DNAH9: variants seen among roughly 807,000 people sequenced by gnomAD.
DNAH9 encodes DNAH9 variant protein.
DNAH9 carries 345 observed loss-of-function variants against 471.6 expected under a neutral mutation model. That is an observed-to-expected ratio of 0.73 (90% CI 0.67 to 0.80). DNAH9 has a LOEUF of 0.80. DNAH9 is among the 30% of genes least tolerant of loss of function. The probability of loss-of-function intolerance (pLI) is 0.00; values close to 1 mark genes in which losing one functional copy is unlikely to be tolerated. For missense variants in DNAH9, 5,407 were observed against 5,609.2 expected, an observed-to-expected ratio of 0.96 and a Z score of 1.15; for synonymous variants, 2,093 against 2,123.6, an observed-to-expected ratio of 0.99 and a Z score of 0.40.
At chr17:11,745,593 C>CA (rs2075511856) in intron 31 of DNAH9, among the ~76,000 whole-genome samples, 1 of 152,170 alleles carries the variant, frequency 6.6e-6, no homozygotes, top group Non-Finnish European at 1.5e-5. Flanking sequence ...TGGACAGACA[C>CA]AGACACACAC....
intron 60 of DNAH9, among the ~76,000 whole-genome samples, chr17:11,905,232 CAA>C (rs34723706): frequency 8.9e-4 from 122 of 137,304 alleles, no homozygotes; most frequent in Admixed American, 1.3e-3. Flanking sequence ...GAATCCATCT[CAA>C]AAAAAAAAAA....
chr17:11,684,246 G>T (rs551325535), intron 19 of DNAH9, among the ~76,000 whole-genome samples: 4 of 151,900 alleles, frequency 2.6e-5, no homozygotes, highest in African/African-American at 9.7e-5. Flanking sequence ...TTTGAGGAGA[G>T]AAAAAAAACC....
At position 11,768,549 on chromosome 17, in the gene DNAH9, G is replaced by T. The variant is rs757516746; in HGVS notation, c.7267G>T (p.Asp2423Tyr). Residue 2423 changes from aspartate to tyrosine, a missense_variant, in exon 37 of 69, where the codon GAC (aspartate) becomes TAC (tyrosine). Around this residue, in one of 3 missense-constraint regions of DNAH9, gnomAD observed 4,636 missense variants for 4,900.3 expected, o/e 0.95. Transcript: ENST00000262442. Reference protein sequence around the residue: ...SQGTIFDYYIDPETKKFEPWS... With the variant: ...SQGTIFDYYIYPETKKFEPWS... ...AGGAACCATCTTTGACTATTACATC[G>T]ACCCAGAGACCAAGAAATTCGAGCC... 1.2e-6 allele frequency: 2 copies of T among 1,614,020 alleles called. No individual in the cohort carries two copies. Among genetic ancestry groups the T allele is most frequent in the South Asian group, 2.2e-5 (2 of 91,052 alleles).
In DNAH9 at chr17:11,695,235, C is replaced by G. The variant is rs375357014; in HGVS notation, c.4872+788C>G. 3.5e-4 allele frequency among the ~76,000 whole-genome samples: 54 copies of G among 152,190 alleles called. No homozygotes were observed. In the South Asian group the frequency reaches 4.2e-3, roughly 12 times the overall value. ...CATCAGTATTGCTGCTCAGCATGCC[C>G]TCTGGCCCATCAGAGGCTAATCTCT... On this transcript the variant is annotated intron_variant, in intron 22 of 68. Transcript: ENST00000262442.
At chr17:11,906,627 C>CAA (rs61461731) in intron 61 of DNAH9, among the ~76,000 whole-genome samples, 50 of 98,062 alleles carry the variant, frequency 5.1e-4, no homozygotes, top group African/African-American at 1.9e-3. Context: ...GACTCTGTCT[C>CAA]AAAAAAAAAA....
At chr17:11,861,028 T>C (rs80305794) in intron 50 of DNAH9, among the ~76,000 whole-genome samples, 2 of 45,214 alleles carry the variant, frequency 4.4e-5, no homozygotes, top group Admixed American at 3.2e-4. Context: ...GCTGTCATTC[T>C]TTTTTTTTTT....
intron 8 of DNAH9, among the ~76,000 whole-genome samples, chr17:11,632,914 T>C (rs1427277792): frequency 6.6e-6 from 1 of 152,106 alleles, no homozygotes; most frequent in East Asian, 1.9e-4. Context: ...TTCCTGAAAA[T>C]GTGACAATGT....
intron 50 of DNAH9, among the ~76,000 whole-genome samples, chr17:11,855,970 G>A: frequency 6.6e-6 from 1 of 152,280 alleles, no homozygotes; most frequent in East Asian, 1.9e-4. Flanking sequence ...TAAAGGATGT[G>A]ATGTGTATAA....
chr17:11,693,237 C>CTTTTTTTTTT (rs776422086), intron 20 of DNAH9, among the ~76,000 whole-genome samples: 2 of 77,438 alleles, frequency 2.6e-5, no homozygotes, highest in African/African-American at 5.6e-5. Context: ...TTAAAATGCC[C>CTTTTTTTTTT]TTTTTTTTTT....
At chr17:11,923,593 G>C (rs938209178) in intron 61 of DNAH9, among the ~76,000 whole-genome samples, 1 of 152,222 alleles carries the variant, frequency 6.6e-6, no homozygotes, top group Non-Finnish European at 1.5e-5. Flanking sequence ...TTACAGGCAT[G>C]AGCCACTGCG....
chr17:11,808,592 C>T (rs950550632), intron 44 of DNAH9, among the ~76,000 whole-genome samples: 2 of 152,166 alleles, frequency 1.3e-5, no homozygotes, highest in African/African-American at 4.8e-5. Context: ...AAAACCACAG[C>T]CCAGCCTCTC....
In DNAH9 at chr17:11,778,888, C is replaced by T. The variant is rs547118314; in HGVS notation, c.7553-2121C>T. On this transcript the variant is annotated intron_variant, in intron 38 of 68. Coordinates refer to ENST00000262442, the MANE Select transcript of DNAH9 (RefSeq NM_001372.4). ...AGGTGTGGTGGTGTATGCCTGTAATCCCAGCTACTTGGGAGGCTGAGGCAG... is the reference window on the plus strand; with the variant it reads ...AGGTGTGGTGGTGTATGCCTGTAATTCCAGCTACTTGGGAGGCTGAGGCAG... Among the ~76,000 whole-genome samples the T allele has an allele frequency of 1.2e-4, 18 of 152,074 alleles. No individual in the cohort carries two copies. In the East Asian group the frequency reaches 3.3e-3, roughly 28 times the overall value.
chr17:11,692,976 GC>G (rs2074359259), intron 20 of DNAH9, among the ~76,000 whole-genome samples: 1 of 151,946 alleles, frequency 6.6e-6, no homozygotes, highest in Admixed American at 6.6e-5. Context: ...CACGGTCTCG[GC>G]TCAATACAAC....
At chr17:11,670,766 C>T (rs182716836) in intron 17 of DNAH9, among the ~76,000 whole-genome samples, 74 of 151,424 alleles carry the variant, frequency 4.9e-4, no homozygotes, top group African/African-American at 1.6e-3. Context: ...TGCAATGGCA[C>T]GATCTCTGCT....
chr17:11,935,438 C>T (rs765411798), intron 65 of DNAH9, among the ~76,000 whole-genome samples: 10 of 150,130 alleles, frequency 6.7e-5, no homozygotes, highest in East Asian at 3.9e-4. Flanking sequence ...TGGAATAGCG[C>T]GATCTCGGCT....
At chr17:11,722,999 A>G (rs2075087930) in intron 27 of DNAH9, 1 of 152,184 alleles carries the variant, frequency 6.6e-6, no homozygotes, top group Non-Finnish European at 1.5e-5. Context: ...CGGAAATGCT[A>G]TACTTGCACA....
intron 14 of DNAH9, 134 bp from the exon 15 acceptor site, chr17:11,664,699 C>T (rs540050843): frequency 9.8e-6 from 7 of 712,860 alleles, no homozygotes; most frequent in Admixed American, 2.8e-5. Context: ...AGAGTGGATT[C>T]GATACATGTG....
chr17:11,768,407 T>C (rs1020044356), intron 36 of DNAH9, 46 bp from the exon 37 acceptor site: 18 of 1,591,096 alleles, frequency 1.1e-5, no homozygotes, highest in Non-Finnish European at 1.4e-5. Context: ...TGTGGGCTTC[T>C]TGAGTTCTGG....
Position 11,821,032 on chromosome 17 carries a change from A to G in DNAH9, c.8708-888A>G, listed in dbSNP as rs555083820. 5.3e-5 allele frequency among the ~76,000 whole-genome samples: 8 copies of G among 152,304 alleles called. No individual in the cohort carries two copies. The South Asian group carries it at 1.7e-3, about 32-fold the overall frequency. On this transcript the variant is annotated intron_variant, in intron 45 of 68. Coordinates refer to ENST00000262442, the MANE Select transcript of DNAH9 (RefSeq NM_001372.4). ...CGCAGTGGCTCATGCCTATAATCCCAGCACTTTGGGAGGCCGAGGCGGGTG... is the reference window on the plus strand; with the variant it reads ...CGCAGTGGCTCATGCCTATAATCCCGGCACTTTGGGAGGCCGAGGCGGGTG...
Sources: allele counts gnomAD v4.1 joint callset (sites outside exome capture counted in the v4.1 genomes callset), GRCh38; gene constraint gnomAD v4.1.1; regional missense constraint gnomAD v4.1.1; transcripts MANE v1.5; gene names NCBI Gene and HGNC (gene_info 2026-07-23, HGNC 2026-07-21).